RFX3: variants seen among roughly 807,000 people sequenced by gnomAD.
RFX3 encodes transcription factor RFX3.
A neutral mutation model predicts 98.6 loss-of-function variants in RFX3; 14 were observed. The ratio of observed to expected loss-of-function variants is 0.14; its 90% CI spans 0.09 to 0.22. The LOEUF (loss-of-function observed/expected upper bound fraction) is 0.22. Ranked by LOEUF, RFX3 falls within the 10% of genes least tolerant of loss-of-function variation. The pLI, the probability that RFX3 is intolerant of heterozygous loss-of-function variation, is 1.00. For synonymous variants in RFX3, 383 were observed against 328.4 expected, an observed-to-expected ratio of 1.17 and a Z score of -1.80; for missense variants, 639 against 926.9, an observed-to-expected ratio of 0.69 and a Z score of 4.03.
At chr9:3,401,950 A>G (rs552740962) in intron 1 of RFX3, among the ~76,000 whole-genome samples, 1 of 152,322 alleles carries the variant, frequency 6.6e-6, no homozygotes, top group East Asian at 1.9e-4. Flanking sequence ...GATGGGTAAA[A>G]CCTAGGCAAA....
At chr9:3,455,776 T>A (rs1847094838) in intron 1 of RFX3, among the ~76,000 whole-genome samples, 3 of 152,204 alleles carry the variant, frequency 2.0e-5, no homozygotes, top group Admixed American at 1.3e-4. Context: ...TATAATAAAG[T>A]TCCCAGATAC....
intron 2 of RFX3, among the ~76,000 whole-genome samples, chr9:3,366,711 T>TTTCTTTCTTTCTTTCTTTCTTTCTTTC (rs1837206348): frequency 7.4e-6 from 1 of 134,340 alleles, no homozygotes; most frequent in Non-Finnish European, 1.6e-5. Context: ...TCTTTCTTTC[T>TTTCTTTCTTTCTTTCTTTCTTTCTTTC]TTCTTTCTTT....
chr9:3,242,086 C>T (rs1023955044), intron 15 of RFX3, among the ~76,000 whole-genome samples: 50 of 152,170 alleles, frequency 3.3e-4, no homozygotes, highest in African/African-American at 1.2e-3. Flanking sequence ...TAGATTAAGC[C>T]CATCCCATTT....
rs543219073 is a variant in RFX3, at chr9:3,273,928, G to A, written c.1086+1572C>T. The stretch of plus-strand genomic sequence containing the variant: ...TAAAGTAAGGTTCACTTGAACACAT[G>A]GGAATGAGAAATTGTTTAGAGAATC... On this transcript the variant is annotated intron_variant, in intron 9 of 16. Coordinates refer to ENST00000617270, the MANE Select transcript of RFX3 (RefSeq NM_001282116.2). Among the ~76,000 whole-genome samples, 13 of 151,630 alleles carry A rather than the reference G, an allele frequency of 8.6e-5. 2 individuals carry two copies. The highest frequency in any genetic ancestry group is 3.1e-4 in the African/African-American group (13 of 41,300).
At chr9:3,319,229 A>G (rs1171287670) in intron 4 of RFX3, among the ~76,000 whole-genome samples, 1 of 152,038 alleles carries the variant, frequency 6.6e-6, no homozygotes, top group Non-Finnish European at 1.5e-5. Context: ...CTTGTTGGAA[A>G]TGCAAGGGGC....
intron 2 of RFX3, among the ~76,000 whole-genome samples, chr9:3,351,306 T>C (rs1359267025): frequency 2.6e-5 from 4 of 151,992 alleles, no homozygotes; most frequent in South Asian, 2.1e-4. Context: ...TTAAAGTGTG[T>C]ATGCACATAT....
At chr9:3,393,515 A>C (rs1210602613) in intron 2 of RFX3, among the ~76,000 whole-genome samples, 1 of 152,168 alleles carries the variant, frequency 6.6e-6, no homozygotes, top group Admixed American at 6.5e-5. Flanking sequence ...AGAGTGAGTT[A>C]AATGTTCAAC....
chr9:3,505,264 A>T (rs868076445), intron 1 of RFX3, among the ~76,000 whole-genome samples: 10 of 74,440 alleles, frequency 1.3e-4, no homozygotes, highest in African/African-American at 7.8e-4. Context: ...ATATATATTT[A>T]TATATATATG....
Position 3,339,533 on chromosome 9 carries a change from A to C in RFX3, c.215+7134T>G, listed in dbSNP as rs7851362. 4.6e-3 allele frequency among the ~76,000 whole-genome samples: 708 copies of C among 152,328 alleles called. 6 individuals carry two copies. Among genetic ancestry groups the C allele is most frequent in the African/African-American group, 0.016 (667 of 41,562 alleles). Reference sequence around the variant, plus strand: ...TCATTCATTTTTTCCCTGTGTACTTAAAGCCACCAAGTAGTCAGCTCCTGT... The same window carrying C: ...TCATTCATTTTTTCCCTGTGTACTTCAAGCCACCAAGTAGTCAGCTCCTGT... On this transcript the variant is annotated intron_variant, in intron 3 of 16. Coordinates refer to ENST00000617270, the MANE Select transcript of RFX3 (RefSeq NM_001282116.2).
chr9:3,457,139 C>CAAAAAAAAAAAAAAAAAAAAAAAAAA (rs1169959832), intron 1 of RFX3, among the ~76,000 whole-genome samples: 1 of 22,814 alleles, frequency 4.4e-5, no homozygotes, highest in African/African-American at 1.7e-4. Flanking sequence ...GACTCCATCT[C>CAAAAAAAAAAAAAAAAAAAAAAAAAA]AAAAAAAAAA....
intron 14 of RFX3, among the ~76,000 whole-genome samples, chr9:3,249,415 G>T (rs1430818192): frequency 6.6e-6 from 1 of 151,926 alleles, no homozygotes; most frequent in Non-Finnish European, 1.5e-5. Context: ...TTTTCCTCTT[G>T]CATGAAAACA....
chr9:3,413,626 C>A (rs1215883302), intron 1 of RFX3, among the ~76,000 whole-genome samples: 1 of 152,050 alleles, frequency 6.6e-6, no homozygotes, highest in Non-Finnish European at 1.5e-5. Flanking sequence ...ATCCCTGTTT[C>A]TTTCTCCTTG....
At chr9:3,329,429 C>CAAA (rs1056225979) in intron 4 of RFX3, among the ~76,000 whole-genome samples, 1 of 108,280 alleles carries the variant, frequency 9.2e-6, no homozygotes, top group African/African-American at 4.3e-5. Context: ...AAAAAAAAAA[C>CAAA]AAAAAACCAC....
intron 2 of RFX3, among the ~76,000 whole-genome samples, chr9:3,369,425 T>C (rs1040947301): frequency 2.6e-5 from 4 of 152,164 alleles, no homozygotes; most frequent in Non-Finnish European, 4.4e-5. Flanking sequence ...TCTAATACCA[T>C]CACTTTGGGG....
intron 1 of RFX3, among the ~76,000 whole-genome samples, chr9:3,408,476 A>C (rs1037392686): frequency 6.6e-6 from 1 of 152,082 alleles, no homozygotes; most frequent in Non-Finnish European, 1.5e-5. Flanking sequence ...ACTTTGTTAC[A>C]AGGATCGGTC....
Position 3,404,412 on chromosome 9 carries a change from A to C in RFX3, c.-8-8816T>G, listed in dbSNP as rs562784628. ...GAAAAATTATTTCTCTGTAAAAATCAGTAAAATTTCAAATAAGTCATCTAT... is the reference window on the plus strand; with the variant it reads ...GAAAAATTATTTCTCTGTAAAAATCCGTAAAATTTCAAATAAGTCATCTAT... On this transcript the variant is annotated intron_variant, in intron 1 of 16. Transcript: ENST00000617270. Among the ~76,000 whole-genome samples, 51 of 152,312 alleles carry C rather than the reference A, an allele frequency of 3.3e-4. No individual in the cohort carries two copies. In the East Asian group the frequency reaches 9.4e-3, roughly 28 times the overall value.
chr9:3,249,517 C>T lies in RFX3; in HGVS notation c.1815-1332G>A, dbSNP rs149789576. On this transcript the variant is annotated intron_variant, in intron 14 of 16. Coordinates refer to ENST00000617270, the MANE Select transcript of RFX3 (RefSeq NM_001282116.2). ...GAAATCAACTTATGGATGACTAGAA[C>T]GCTATTCAAATATAAGTGATTGTGA... 3.9e-4 allele frequency among the ~76,000 whole-genome samples: 60 copies of T among 152,186 alleles called. No individual in the cohort carries two copies. The East Asian group carries it at 9.7e-3, about 25-fold the overall frequency.
At chr9:3,332,015 C>T (rs1832658428) in intron 3 of RFX3, among the ~76,000 whole-genome samples, 1 of 152,154 alleles carries the variant, frequency 6.6e-6, no homozygotes, top group Non-Finnish European at 1.5e-5. Context: ...TAGAGGGCAG[C>T]ACCACCATCC....
At chr9:3,284,958 AC>A (rs1826388390) in intron 7 of RFX3, among the ~76,000 whole-genome samples, 1 of 151,716 alleles carries the variant, frequency 6.6e-6, no homozygotes, top group South Asian at 2.1e-4. Context: ...GATTTCCTCT[AC>A]CACCCCATCA....
Sources: gnomAD v4.1 joint callset for allele counts (sites outside exome capture counted in the v4.1 genomes callset) on GRCh38, gnomAD v4.1.1 for gene constraint, MANE v1.5 for transcripts, NCBI Gene and HGNC (gene_info 2026-07-23, HGNC 2026-07-21) for gene names.